LARP4B: variants seen among roughly 807,000 people sequenced by gnomAD.
LARP4B encodes the protein la-related protein 4B.
A neutral mutation model predicts 89.8 loss-of-function variants in LARP4B; 12 were observed. The observed-to-expected ratio is 0.13, with a 90% CI of 0.09 to 0.22. The LOEUF (loss-of-function observed/expected upper bound fraction) is 0.22, where lower values mean the gene tolerates loss of function less well. LARP4B is among the 10% of genes least tolerant of loss of function. The pLI is 1.00. For synonymous variants in LARP4B, 367 were observed against 363.3 expected (o/e 1.01, Z -0.12); for missense variants, 757 against 947.7 (o/e 0.80, Z 2.64).
In LARP4B at chr10:817,965, G is replaced by A. The variant is rs143067256; in HGVS notation, c.1531-76C>T. On this transcript the variant is annotated intron_variant, in intron 14 of 17. Coordinates refer to ENST00000316157, the MANE Select transcript of LARP4B (RefSeq NM_015155.3). Reference sequence around the variant, plus strand: ...CAGCTTCTCGTTTCCACACCTGTCTGGAAAATATCTGTAGAAACAAGCAGA... The same window carrying A: ...CAGCTTCTCGTTTCCACACCTGTCTAGAAAATATCTGTAGAAACAAGCAGA... 2.1e-5 allele frequency: 30 copies of A among 1,400,430 alleles called. 1 individual carries two copies. In the African/African-American group the frequency reaches 2.3e-4, roughly 11 times the overall value. 86.8% of individuals were successfully genotyped at this position (1,400,430 alleles called of 1,614,324 possible).
At chr10:891,227 G>A (rs1836010138) in intron 1 of LARP4B, among the ~76,000 whole-genome samples, 3 of 151,804 alleles carry the variant, frequency 2.0e-5, no homozygotes, top group Admixed American at 2.0e-4. Context: ...CAAGAGCCAG[G>A]GGACCACCAA....
At chr10:923,740 T>C (rs940015017) in intron 1 of LARP4B, among the ~76,000 whole-genome samples, 12 of 152,182 alleles carry the variant, frequency 7.9e-5, no homozygotes, top group Non-Finnish European at 7.4e-5. Flanking sequence ...CTGAAGCAAT[T>C]TGTACATCTA....
At chr10:969,026 G>A in the LARP4B span, among the ~76,000 whole-genome samples, 3 of 152,170 alleles carry the variant, frequency 2.0e-5, no homozygotes, top group Non-Finnish European at 4.4e-5. Flanking sequence ...CTTGGGCCTT[G>A]GCACCGTATC....
At chr10:905,856 G>C (rs1836477116) in intron 1 of LARP4B, among the ~76,000 whole-genome samples, 3 of 152,244 alleles carry the variant, frequency 2.0e-5, no homozygotes, top group South Asian at 2.1e-4. Context: ...GGTGGACAGG[G>C]AGGACCTCTC....
chr10:889,564 A>G (rs1835956372), intron 1 of LARP4B, among the ~76,000 whole-genome samples: 1 of 152,230 alleles, frequency 6.6e-6, no homozygotes, highest in African/African-American at 2.4e-5. Flanking sequence ...TCATGTTGAA[A>G]TGACATTGAA....
At chr10:867,342 A>G (rs1011486824) in intron 3 of LARP4B, among the ~76,000 whole-genome samples, 1 of 152,230 alleles carries the variant, frequency 6.6e-6, no homozygotes, top group Admixed American at 6.5e-5. Flanking sequence ...CAAATGAAAA[A>G]ACCAAGGCAG....
At chr10:919,716 G>A (rs866831260) in intron 1 of LARP4B, among the ~76,000 whole-genome samples, 4 of 152,200 alleles carry the variant, frequency 2.6e-5, no homozygotes, top group Admixed American at 6.5e-5. Flanking sequence ...CAAAGGTGAC[G>A]GGTATGAACA....
At chr10:813,269 C>CAGG in intron 17 of LARP4B, 56 bp from the exon 18 acceptor site, 1 of 1,484,968 alleles carries the variant, frequency 6.7e-7, no homozygotes, top group South Asian at 1.4e-5. Flanking sequence ...AGGGACAAGA[C>CAGG]AGGAAATCAA....
At chr10:870,181 C>T (rs1231266054) in intron 3 of LARP4B, 1 of 233,834 alleles carries the variant, frequency 4.3e-6, no homozygotes, top group Admixed American at 6.5e-5. Context: ...CTGTATTAGT[C>T]CAGAGATAGC....
chr10:829,084 T>C (rs753468023), intron 11 of LARP4B, among the ~76,000 whole-genome samples: 1 of 152,232 alleles, frequency 6.6e-6, no homozygotes, highest in Non-Finnish European at 1.5e-5. Flanking sequence ...CCCCCTTGCA[T>C]TGTACTCTGT....
intron 2 of LARP4B, among the ~76,000 whole-genome samples, 188 bp downstream of exon 2, chr10:885,453 T>C (rs1272179846): frequency 6.6e-6 from 1 of 152,250 alleles, no homozygotes; most frequent in Non-Finnish European, 1.5e-5. Context: ...CTGTCTTTTG[T>C]TGCAGGGGTC....
intron 5 of LARP4B, among the ~76,000 whole-genome samples, chr10:860,984 G>A (rs1469098387): frequency 5.9e-5 from 9 of 152,068 alleles, no homozygotes; most frequent in African/African-American, 1.9e-4. Flanking sequence ...GTGAAACCCC[G>A]TCTCTACTAA....
chr10:911,265 T>C (rs564277911), intron 1 of LARP4B, among the ~76,000 whole-genome samples: 2 of 152,206 alleles, frequency 1.3e-5, no homozygotes, highest in East Asian at 1.9e-4. Flanking sequence ...TGTGCTGAAA[T>C]CTGATGATAA....
At chr10:944,208 A>G in the LARP4B span, among the ~76,000 whole-genome samples, 1 of 152,200 alleles carries the variant, frequency 6.6e-6, no homozygotes, top group South Asian at 2.1e-4. Context: ...ACCTCCGAAC[A>G]GTGGCTGTGT....
At chr10:980,393 C>T in the LARP4B span, among the ~76,000 whole-genome samples, 2 of 152,338 alleles carry the variant, frequency 1.3e-5, no homozygotes, top group African/African-American at 4.8e-5. Context: ...TCACATTTCC[C>T]CTTGGCACTG....
chr10:949,868 T>C, the LARP4B span, among the ~76,000 whole-genome samples: 2 of 152,168 alleles, frequency 1.3e-5, no homozygotes, highest in Admixed American at 1.3e-4. Flanking sequence ...AGTGCAGTGG[T>C]GCGATAACAG....
intron 1 of LARP4B, among the ~76,000 whole-genome samples, chr10:887,792 G>A (rs915066315): frequency 2.6e-5 from 4 of 152,038 alleles, no homozygotes; most frequent in African/African-American, 9.7e-5. Flanking sequence ...GGGAGGCCGA[G>A]GAGGGCAGAT....
intron 3 of LARP4B, chr10:873,067 C>T: frequency 1.0e-6 from 1 of 985,354 alleles, no homozygotes; most frequent in Non-Finnish European, 1.2e-6. Flanking sequence ...GTTCCTTTTC[C>T]TCCACAGATT....
chr10:820,654 C>CA, intron 14 of LARP4B, 146 bp downstream of exon 14: 1 of 720,732 alleles, frequency 1.4e-6, no homozygotes, highest in Non-Finnish European at 2.3e-6. Context: ...GCCAGGGTGT[C>CA]AGTTATTACT....
Sources: allele counts gnomAD v4.1 joint callset (sites outside exome capture counted in the v4.1 genomes callset), GRCh38; gene constraint gnomAD v4.1.1; transcripts MANE v1.5; gene names NCBI Gene and HGNC (gene_info 2026-07-23, HGNC 2026-07-21).